IRX2: variants seen among roughly 807,000 people sequenced by gnomAD.
The protein encoded by IRX2 is iroquois homeobox 2.
Under a neutral mutation model 42.9 loss-of-function variants are expected in IRX2, and 26 were observed. The observed-to-expected ratio is 0.61, with a 90% CI of 0.44 to 0.84. The LOEUF is 0.84. Ranked by LOEUF, IRX2 falls within the 40% of genes least tolerant of loss-of-function variation. The pLI, the probability that IRX2 is intolerant of heterozygous loss-of-function variation, is 0.00. For synonymous variants in IRX2, 424 were observed against 353.9 expected (o/e 1.20, Z -2.22); for missense variants, 782 against 713.9 (o/e 1.10, Z -1.09).
chr5:2,743,557 C>G (rs1737591465), downstream of IRX2, among the ~76,000 whole-genome samples: 1 of 152,216 alleles, frequency 6.6e-6, no homozygotes, highest in Non-Finnish European at 1.5e-5. Flanking sequence ...CGCGCCCAGG[C>G]CTGCACCCGC....
the IRX2 span, among the ~76,000 whole-genome samples, chr5:2,738,382 CAAAT>C: frequency 6.6e-6 from 1 of 152,312 alleles, no homozygotes; most frequent in African/African-American, 2.4e-5. Context: ...CATTATAAAA[CAAAT>C]TGTTTTTCCA....
Position 2,751,115 on chromosome 5 carries a change from G to T in IRX2, c.249+50C>A. 8.3e-7 allele frequency: 1 copy of T among 1,210,438 alleles called. No homozygotes were observed. Among genetic ancestry groups the T allele is most frequent in the Non-Finnish European group, 1.0e-6 (1 of 973,656 alleles). 75.0% of individuals were successfully genotyped at this position (1,210,438 alleles called of 1,614,324 possible). On this transcript the variant is annotated intron_variant, in intron 1 of 3. Transcript: ENST00000302057. This position sits in a 1 kb window ranked among gnomAD's most constrained non-coding sequence, Gnocchi z 4.0. ...CCGAGCCCCGCTCCGCCTGAGCCCC[G>T]TCTGGGTCCCGGCGCCCAGGAGTCC...
rs539987622 is a variant in IRX2, at chr5:2,746,839, A to C, written c.*725T>G. On this transcript the variant is annotated 3_prime_UTR_variant, in exon 4 of 4. Transcript: ENST00000302057. ...TCCCCAATCTTTCAGTTCCACAACA[A>C]CACCATTATAAAAACGAGTTGATCT... 14 of 152,284 alleles carry C rather than the reference A, an allele frequency of 9.2e-5. 1 individual carries two copies. The South Asian group carries it at 1.7e-3, about 18-fold the overall frequency. The allele number at this position is 152,284 out of a possible 1,614,324, so 9.4% of individuals were successfully genotyped here. A position where few individuals can be genotyped will look rare whatever the true frequency, so the allele number is the denominator to read the frequency against.
In IRX2 at chr5:2,746,259, T is replaced by C. The variant is rs1321665098; in HGVS notation, c.*1305A>G. 1 of 152,220 alleles carries C rather than the reference T, an allele frequency of 6.6e-6. No individual in the cohort carries two copies. The highest frequency in any genetic ancestry group is 1.5e-5 in the Non-Finnish European group (1 of 68,038). The allele number at this position is 152,220 out of a possible 1,614,324, so 9.4% of individuals were successfully genotyped here. Reference sequence around the variant, plus strand: ...CCAACAAAGATTGTATAACCAGCAATGTTCAAATAAAAACCAGGCAGAATT... The same window carrying C: ...CCAACAAAGATTGTATAACCAGCAACGTTCAAATAAAAACCAGGCAGAATT... On this transcript the variant is annotated 3_prime_UTR_variant, in exon 4 of 4. Coordinates refer to ENST00000302057, the MANE Select transcript of IRX2 (RefSeq NM_033267.5).
rs773338995 is a variant in IRX2, at chr5:2,748,457, G to A, written c.1251C>T (p.Pro417=). ...LLRYNSAAAA[P]GEALHTAPKA... ...TTGGCGCGGTGTGCAGGGCCTCGCC[G>A]GGGGCCGCGGCCGCAGAGTTGTACC... The change falls in exon 3 of 4, where the codon CCC becomes CCT. Residue 417 remains proline (P), a synonymous_variant. Coordinates refer to ENST00000302057, the MANE Select transcript of IRX2 (RefSeq NM_033267.5). The A allele has an allele frequency of 2.6e-5, 40 of 1,568,118 alleles. No homozygotes were observed. The highest frequency in any genetic ancestry group is 1.5e-4 in the East Asian group (6 of 39,186).
rs1737970429 is a variant in IRX2 at position 2,751,354 on chromosome 5, G to A, written c.60C>T (p.Cys20=). ...QAPGSLALYS[C]PAYGASALAA... is the part of the protein sequence containing the mutation. Reference sequence around the variant, plus strand: ...CCAAAGCCGACGCGCCGTAGGCCGGGCACGAGTAGAGCGCCAGCGAGCCGG... The same window carrying A: ...CCAAAGCCGACGCGCCGTAGGCCGGACACGAGTAGAGCGCCAGCGAGCCGG... Residue 20 remains cysteine (C), a synonymous_variant, in exon 1 of 4, where the codon TGC becomes TGT. Coordinates refer to ENST00000302057, the MANE Select transcript of IRX2 (RefSeq NM_033267.5). The surrounding 1 kb of genome is among the most constrained non-coding windows in gnomAD (Gnocchi z 4.0). The A allele has an allele frequency of 4.9e-6, 7 of 1,436,164 alleles. No homozygotes were observed. Among genetic ancestry groups the A allele is most frequent in the African/African-American group, 1.5e-5 (1 of 66,726 alleles). 89.0% of individuals were successfully genotyped at this position (1,436,164 alleles called of 1,614,324 possible).
At chr5:2,739,688 G>C in the IRX2 span, among the ~76,000 whole-genome samples, 1 of 152,170 alleles carries the variant, frequency 6.6e-6, no homozygotes, top group Admixed American at 6.5e-5. Flanking sequence ...TCGGTTTCCC[G>C]GCGCTCTGCG....
At position 2,748,884 on chromosome 5, in the gene IRX2, C is replaced by T. The variant is rs761879286; in HGVS notation, c.824G>A (p.Arg275Gln). ...DDEDDDEEGE[R>Q]GLAPPKPVTS... ...CACGGGCTTGGGCGGCGCCAGGCCC[C>T]GCTCGCCCTCCTCGTCGTCGTCCTC... is the stretch of plus-strand genomic sequence containing the variant. The change falls in exon 3 of 4, where the codon CGG (arginine) becomes CAG (glutamine). Residue 275 changes from arginine (R) to glutamine (Q), a missense_variant. By Grantham distance (43) the Arg-to-Gln change is conservative. Transcript: ENST00000302057. 2.3e-5 allele frequency: 36 copies of T among 1,595,320 alleles called. No homozygotes were observed. Among genetic ancestry groups the T allele is most frequent in the Non-Finnish European group, 3.0e-5 (35 of 1,178,938 alleles).
At position 2,749,374 on chromosome 5, in the gene IRX2, C is replaced by T; in HGVS notation, c.655+8G>A. 1.3e-6 allele frequency: 2 copies of T among 1,587,674 alleles called. No homozygotes were observed. The highest frequency in any genetic ancestry group is 1.7e-6 in the Non-Finnish European group (2 of 1,167,696). ...CCCGAGACCTTGCGCCGGCCGCTGC[C>T]CGCTCACCTTCGTCCTCTGCCGAGG... is the stretch of plus-strand genomic sequence containing the variant. On this transcript the variant is annotated splice_region_variant and intron_variant, in intron 2 of 3. Coordinates refer to ENST00000302057, the MANE Select transcript of IRX2 (RefSeq NM_033267.5).
intron 1 of IRX2, among the ~76,000 whole-genome samples, chr5:2,750,563 G>C (rs946272496): frequency 6.6e-6 from 1 of 152,236 alleles, no homozygotes; most frequent in African/African-American, 2.4e-5. Context: ...GCGGCCCTTA[G>C]CGGGTCACGC....
Position 2,751,037 on chromosome 5 carries a change from G to T in IRX2, c.249+128C>A. 1.8e-6 allele frequency: 2 copies of T among 1,087,668 alleles called. No homozygotes were observed. Among genetic ancestry groups the T allele is most frequent in the South Asian group, 4.7e-5 (1 of 21,456 alleles). 67.4% of individuals were successfully genotyped at this position (1,087,668 alleles called of 1,614,324 possible). Reference sequence around the variant, plus strand: ...CTGCGGGGCGGCCAACCGAGCCGGCGACTCCTGAGTCGCCAGCCGCGCCAC... The same window carrying T: ...CTGCGGGGCGGCCAACCGAGCCGGCTACTCCTGAGTCGCCAGCCGCGCCAC... On this transcript the variant is annotated intron_variant, in intron 1 of 3. Coordinates refer to ENST00000302057, the MANE Select transcript of IRX2 (RefSeq NM_033267.5). This position sits in a 1 kb window ranked among gnomAD's most constrained non-coding sequence, Gnocchi z 4.0.
intron 2 of IRX2, among the ~76,000 whole-genome samples, 164 bp from the exon 3 acceptor site, chr5:2,749,216 G>C (rs1450630977): frequency 2.6e-5 from 4 of 152,218 alleles, no homozygotes; most frequent in Non-Finnish European, 5.9e-5. Context: ...GGAAGGGCCC[G>C]AGGAATCGCT....
chr5:2,738,750 CG>C, the IRX2 span, among the ~76,000 whole-genome samples: 4 of 152,154 alleles, frequency 2.6e-5, no homozygotes, highest in African/African-American at 9.6e-5. Flanking sequence ...CCTGTGCCTC[CG>C]GGACCGTCTC....
Position 2,749,456 on chromosome 5 carries a change from C to T in IRX2, c.581G>A (p.Gly194Asp). ...NKSEDEDEDE[G>D]DATRSKDESP... is the part of the protein sequence containing the mutation. ...CTCGTCCTTGCTTCTGGTAGCGTCG[C>T]CCTCGTCCTCGTCCTCATCTTCGCT... The change falls in exon 2 of 4, where the codon GGC becomes GAC. Residue 194 changes from glycine to aspartate, a missense_variant. Gly to Asp is a moderately conservative substitution (Grantham distance 94). Around this residue, in one of 3 missense-constraint regions of IRX2, gnomAD observed 520 missense variants for 437.8 expected, o/e 1.19. Coordinates refer to ENST00000302057, the MANE Select transcript of IRX2 (RefSeq NM_033267.5). The T allele has an allele frequency of 6.2e-7, 1 of 1,614,152 alleles. No homozygotes were observed. The highest frequency in any genetic ancestry group is 8.5e-7 in the Non-Finnish European group (1 of 1,180,010).
At chr5:2,736,019 A>G in the IRX2 span, among the ~76,000 whole-genome samples, 71 of 152,178 alleles carry the variant, frequency 4.7e-4, no homozygotes, top group Non-Finnish European at 9.1e-4. Flanking sequence ...GGCAGCTCTG[A>G]GGTCTTGCCA....
At position 2,748,406 on chromosome 5, in the gene IRX2, C is replaced by T. The variant is rs1737762163; in HGVS notation, c.1302G>A (p.Ala434=). 4.0e-6 allele frequency: 6 copies of T among 1,491,854 alleles called. No homozygotes were observed. In the South Asian group the frequency reaches 5.1e-5, roughly 13 times the overall value. The allele number at this position is 1,491,854 out of a possible 1,614,324, so 92.4% of individuals were successfully genotyped here. The part of the protein sequence containing the change: ...APKAASDAGK[A]GAHPLESHYR... ...AGTGGGACTCGAGCGGGTGCGCGCC[C>T]GCCTTGCCCGCGTCGCTGGCCGCCT... The change falls in exon 3 of 4, where the codon GCG becomes GCA. Residue 434 remains alanine, a synonymous_variant. Coordinates refer to ENST00000302057, the MANE Select transcript of IRX2 (RefSeq NM_033267.5).
At chr5:2,746,016 T>C (rs888664613), downstream of IRX2, 24 of 151,388 alleles carry the variant, frequency 1.6e-4, no homozygotes. Context: ...CATCTGCCTT[T>C]TTTTTTTTTT....
At chr5:2,740,785 C>A in the IRX2 span, among the ~76,000 whole-genome samples, 1 of 151,906 alleles carries the variant, frequency 6.6e-6, no homozygotes. Flanking sequence ...GCCTCCAGCT[C>A]CCGCACCTTC....
At chr5:2,737,931 G>A in the IRX2 span, among the ~76,000 whole-genome samples, 1 of 152,156 alleles carries the variant, frequency 6.6e-6, no homozygotes, top group Non-Finnish European at 1.5e-5. Flanking sequence ...TGGCCTGGGG[G>A]TGTCCCCCTG....
Sources: allele counts gnomAD v4.1 joint callset (sites outside exome capture counted in the v4.1 genomes callset), GRCh38; gene constraint gnomAD v4.1.1; regional missense constraint gnomAD v4.1.1; non-coding constraint Gnocchi (gnomAD v3.1); transcripts MANE v1.5; gene names NCBI Gene and HGNC (gene_info 2026-07-23, HGNC 2026-07-21).